CHDH: variants seen among roughly 807,000 people sequenced by gnomAD.
The protein encoded by CHDH is choline dehydrogenase, mitochondrial.
Under a neutral mutation model 56.9 loss-of-function variants are expected in CHDH, and 43 were observed. The ratio of observed to expected loss-of-function variants is 0.76; its 90% CI spans 0.59 to 0.97. The LOEUF (loss-of-function observed/expected upper bound fraction) is 0.97. Among genes scored for constraint, CHDH ranks in the 50% least tolerant of loss-of-function variants. CHDH has a pLI of 0.00. For missense variants in CHDH, 816 were observed against 821.1 expected (o/e 0.99, Z 0.08); for synonymous variants, 364 against 348.5 (o/e 1.04, Z -0.50).
intron 2 of CHDH, among the ~76,000 whole-genome samples, chr3:53,828,659 T>C (rs1308633450): frequency 6.6e-6 from 1 of 152,232 alleles, no homozygotes; most frequent in East Asian, 1.9e-4. Flanking sequence ...GTCCACATCA[T>C]ATGTCATCAG....
intron 4 of CHDH, 129 bp downstream of exon 4, chr3:53,822,362 T>G: frequency 1.2e-6 from 1 of 847,256 alleles, no homozygotes; most frequent in Non-Finnish European, 1.8e-6. Flanking sequence ...TACTCGCCCC[T>G]CCCCCCGCCA....
intron 2 of CHDH, among the ~76,000 whole-genome samples, chr3:53,834,441 T>C (rs1317896044): frequency 1.3e-5 from 2 of 152,162 alleles, no homozygotes; most frequent in Non-Finnish European, 2.9e-5. Context: ...AGTGAGACTC[T>C]TTCAAAAAAA....
chr3:53,820,536 T>TGGAGGGTGATAGGGC lies in CHDH; in HGVS notation c.1043_1057dup (p.Arg348_Leu352dup), dbSNP rs757558917. On this transcript the variant is annotated inframe_insertion, in exon 6 of 9. Transcript: ENST00000315251. ...CTTCCGCAGGGGCTTCTGTGCTGAA[T>TGGAGGGTGATAGGGC]GGAGGGTGATAGGGCGGGTGCATGC... 9.3e-6 allele frequency: 15 copies of TGGAGGGTGATAGGGC among 1,613,974 alleles called. No individual in the cohort carries two copies. The highest frequency in any genetic ancestry group is 6.7e-5 in the Admixed American group (4 of 60,004).
rs753559560 is a variant in CHDH at position 53,817,962 on chromosome 3, C to T, written c.1600G>A (p.Val534Ile). 9 of 1,614,200 alleles carry T rather than the reference C, an allele frequency of 5.6e-6. No homozygotes were observed. The highest frequency in any genetic ancestry group is 7.6e-6 in the Non-Finnish European group (9 of 1,180,048). ...ACCCTGAGGTTTTCCACCCCGAGGA[C>T]CCTTGTCTGCGGATCCACCACGGCA... ...PTAVVDPQTR[V>I]LGVENLRVVD... The change falls in exon 9 of 9, where the codon GTC (valine) becomes ATC (isoleucine). Residue 534 changes from valine (V) to isoleucine (I), a missense_variant. Coordinates refer to ENST00000315251, the MANE Select transcript of CHDH (RefSeq NM_018397.5).
chr3:53,820,688 A>C, intron 5 of CHDH, 80 bp from the exon 6 acceptor site: 1 of 1,511,794 alleles, frequency 6.6e-7, no homozygotes, highest in Non-Finnish European at 8.9e-7. Context: ...GTTTTGAAAA[A>C]TTCTTTCCTA....
chr3:53,820,117 A>G (rs1273024988), intron 6 of CHDH, among the ~76,000 whole-genome samples: 1 of 152,078 alleles, frequency 6.6e-6, no homozygotes, highest in Admixed American at 6.6e-5. Flanking sequence ...TCTAGCCCCA[A>G]AGTCTCCTCT....
chr3:53,831,964 A>G (rs982864399), intron 2 of CHDH, among the ~76,000 whole-genome samples: 3 of 152,056 alleles, frequency 2.0e-5, no homozygotes, highest in South Asian at 2.1e-4. Flanking sequence ...AAAAAAAAAA[A>G]AAAGAAAGAA....
intron 2 of CHDH, among the ~76,000 whole-genome samples, chr3:53,825,157 C>T (rs2095636679): frequency 6.6e-6 from 1 of 152,238 alleles, no homozygotes; most frequent in Admixed American, 6.5e-5. Context: ...GAATGAAAGA[C>T]AGGTCCTTTG....
At chr3:53,822,762 C>G (rs2095630096) in intron 3 of CHDH, 120 bp from the exon 4 acceptor site, 1 of 1,279,464 alleles carries the variant, frequency 7.8e-7, no homozygotes, top group African/African-American at 1.5e-5. Flanking sequence ...GTCCCGCCTT[C>G]AAAGTAAAGC....
At chr3:53,830,824 C>T (rs2106972406) in intron 2 of CHDH, among the ~76,000 whole-genome samples, 1 of 152,226 alleles carries the variant, frequency 6.6e-6, no homozygotes, top group East Asian at 1.9e-4. Flanking sequence ...TCTCTATTTG[C>T]TCCATCAATC....
chr3:53,821,578 A>AAGAT (rs1288067163), intron 5 of CHDH, 69 bp downstream of exon 5: 5 of 1,379,090 alleles, frequency 3.6e-6, no homozygotes, highest in East Asian at 4.6e-5. Flanking sequence ...TCATGCTAAT[A>AAGAT]AGATACATAC....
At position 53,818,023 on chromosome 3, in the gene CHDH, C is replaced by G. The variant is rs758769734; in HGVS notation, c.1539G>C (p.Ser513=). 1.2e-6 allele frequency: 2 copies of G among 1,614,174 alleles called. No homozygotes were observed. Among genetic ancestry groups the G allele is most frequent in the Middle Eastern group, 1.6e-4 (1 of 6,062 alleles). ...RAKADSAYHP[S]CTCKMGQPSD... is the part of the protein sequence containing the mutation. ...AGGGCTGGCCCATCTTACAGGTGCA[C>G]GAGGGGTGGTAGGCGCTGTCGGCTT... Residue 513 remains serine (S), a synonymous_variant, in exon 9 of 9, where the codon TCG becomes TCC. Coordinates refer to ENST00000315251, the MANE Select transcript of CHDH (RefSeq NM_018397.5).
chr3:53,826,501 A>G (rs1162854470), intron 2 of CHDH, among the ~76,000 whole-genome samples: 1 of 152,194 alleles, frequency 6.6e-6, no homozygotes, highest in Admixed American at 6.5e-5. Context: ...GAAAAAGAAA[A>G]CTCACATGAT....
chr3:53,825,093 G>A (rs1388038561), intron 2 of CHDH, among the ~76,000 whole-genome samples: 1 of 152,296 alleles, frequency 6.6e-6, no homozygotes, highest in South Asian at 2.1e-4. Context: ...CAGAGCTCCA[G>A]GCCCCACACC....
Position 53,818,170 on chromosome 3 carries a change from C to CA in CHDH, c.1391dup (p.Cys465ValfsTer32). ...AAATTTCTCTGGTGAGCTTCACACA[C>CA]AGACGGAAATCCTCAATATCAGTTT... On this transcript the variant is annotated frameshift_variant, in exon 9 of 9. Transcript: ENST00000315251. LOFTEE classifies it high-confidence loss of function. 6.2e-7 allele frequency: 1 copy of CA among 1,610,332 alleles called. No individual in the cohort carries two copies. Among genetic ancestry groups the CA allele is most frequent in the South Asian group, 1.1e-5 (1 of 90,356 alleles).
rs142509609 is a variant in CHDH, at chr3:53,817,972, C to T, written c.1590G>A (p.Pro530=). 1.6e-5 allele frequency: 26 copies of T among 1,614,182 alleles called. No individual in the cohort carries two copies. The East Asian group carries it at 3.6e-4, about 22-fold the overall frequency. ...QPSDPTAVVD[P]QTRVLGVENL... ...TTTCCACCCCGAGGACCCTTGTCTG[C>T]GGATCCACCACGGCAGTGGGATCGG... The change falls in exon 9 of 9, where the codon CCG becomes CCA. Residue 530 remains proline (P), a synonymous_variant. Coordinates refer to ENST00000315251, the MANE Select transcript of CHDH (RefSeq NM_018397.5).
chr3:53,824,039 C>T lies in CHDH; in HGVS notation c.-31G>A, dbSNP rs1341337040. On this transcript the variant is annotated 5_prime_UTR_variant, in exon 3 of 9. The change creates a new upstream start codon in the 5' untranslated region. Transcript: ENST00000315251. ...TATCTAGTCCAAGTCCTCTGATCCA[C>T]GGAGGGGAATGAGATGACTCACTTC... The T allele has an allele frequency of 1.4e-6, 2 of 1,420,782 alleles. No individual in the cohort carries two copies. The highest frequency in any genetic ancestry group is 1.5e-5 in the African/African-American group (1 of 67,158). The allele number at this position is 1,420,782 out of a possible 1,614,324, so 88.0% of individuals were successfully genotyped here.
rs1013834008 is a variant in CHDH at position 53,816,139 on chromosome 3, C to T, written c.*1638G>A. ...TAACTTGTGGCTGTCGGACGCCCCC[C>T]CCCCCCGCCCCAGTCTGTAAGCCGC... On this transcript the variant is annotated 3_prime_UTR_variant, in exon 9 of 9. Transcript: ENST00000315251. The T allele has an allele frequency of 8.4e-5, 10 of 118,794 alleles. No individual in the cohort carries two copies. The highest frequency in any genetic ancestry group is 3.9e-3 in the Middle Eastern group (1 of 256). 7.4% of individuals were successfully genotyped at this position (118,794 alleles called of 1,614,324 possible).
At chr3:53,822,399 G>A in intron 4 of CHDH, 92 bp downstream of exon 4, 1 of 1,233,940 alleles carries the variant, frequency 8.1e-7, no homozygotes, top group Non-Finnish European at 1.1e-6. Context: ...GTGGGTCTGG[G>A]GGTGAGGGCG....
Sources: gnomAD v4.1 joint callset for allele counts (sites outside exome capture counted in the v4.1 genomes callset) on GRCh38, gnomAD v4.1.1 for gene constraint, MANE v1.5 for transcripts, NCBI Gene and HGNC (gene_info 2026-07-23, HGNC 2026-07-21) for gene names.